The following UGGT2 variants were observed in gnomAD, a reference collection of about 807,000 sequenced individuals.
The protein encoded by UGGT2 is UDP-glucose:glycoprotein glucosyltransferase 2.
Under a neutral mutation model 192.1 loss-of-function variants are expected in UGGT2, and 180 were observed. The observed-to-expected ratio is 0.94, with a 90% CI of 0.83 to 1.06. The LOEUF (loss-of-function observed/expected upper bound fraction) is 1.06, where lower values mean the gene tolerates loss of function less well. UGGT2 is among the 50% of genes least tolerant of loss of function. UGGT2 has a pLI of 0.00. For missense variants in UGGT2, 1,849 were observed against 1,795.7 expected (o/e 1.03, Z -0.54); for synonymous variants, 580 against 591.0 (o/e 0.98, Z 0.27).
At chr13:96,022,072 A>G (rs895047021) in intron 4 of UGGT2, among the ~76,000 whole-genome samples, 2 of 152,114 alleles carry the variant, frequency 1.3e-5, no homozygotes, top group Non-Finnish European at 2.9e-5. Context: ...AAACTGGATA[A>G]TAAAGCAATA....
At chr13:95,840,203 T>C (rs906610773) in intron 36 of UGGT2, among the ~76,000 whole-genome samples, 4 of 152,008 alleles carry the variant, frequency 2.6e-5, no homozygotes, top group African/African-American at 9.7e-5. Flanking sequence ...ATGGGATCTA[T>C]TTAAACTAAA....
intron 27 of UGGT2, among the ~76,000 whole-genome samples, chr13:95,879,914 TA>T (rs2047445302): frequency 1.3e-5 from 2 of 152,202 alleles, no homozygotes; most frequent in Non-Finnish European, 2.9e-5. Flanking sequence ...TATTATACTT[TA>T]AATTCTGGGG....
At position 95,922,127 on chromosome 13, in the gene UGGT2, G is replaced by C. The variant is rs77890700; in HGVS notation, c.2295+3553C>G. 2.4e-4 allele frequency among the ~76,000 whole-genome samples: 36 copies of C among 152,318 alleles called. No homozygotes were observed. In the East Asian group the frequency reaches 6.6e-3, roughly 28 times the overall value. On this transcript the variant is annotated intron_variant, in intron 20 of 38. Transcript: ENST00000376747. ...ATTGAAATCAATCTACACATTGATTGATAGAATGAGATCATGTCCTTCGCA... is the reference window on the plus strand; with the variant it reads ...ATTGAAATCAATCTACACATTGATTCATAGAATGAGATCATGTCCTTCGCA...
chr13:96,008,080 C>T (rs929256331), intron 5 of UGGT2, among the ~76,000 whole-genome samples: 5 of 152,022 alleles, frequency 3.3e-5, no homozygotes, highest in Non-Finnish European at 4.4e-5. Context: ...AACTATGAAA[C>T]GACTAGAGGA....
intron 11 of UGGT2, among the ~76,000 whole-genome samples, chr13:95,971,120 GGC>G (rs1289295543): frequency 6.6e-6 from 1 of 152,108 alleles, no homozygotes; most frequent in Non-Finnish European, 1.5e-5. Context: ...CCATGTATGG[GGC>G]ATGTTATTGG....
intron 20 of UGGT2, among the ~76,000 whole-genome samples, chr13:95,904,777 G>A (rs1157441268): frequency 2.0e-5 from 3 of 151,966 alleles, no homozygotes. Context: ...TGTCTTTATA[G>A]CACCATGATT....
At chr13:95,977,380 A>C (rs1226693811) in intron 10 of UGGT2, among the ~76,000 whole-genome samples, 1 of 152,212 alleles carries the variant, frequency 6.6e-6, no homozygotes, top group African/African-American at 2.4e-5. Flanking sequence ...TCCATCAGAA[A>C]GTGGGCGAAG....
At chr13:95,936,531 C>T (rs757709638) in intron 17 of UGGT2, among the ~76,000 whole-genome samples, 54 of 152,358 alleles carry the variant, frequency 3.5e-4, no homozygotes, top group Non-Finnish European at 5.6e-4. Flanking sequence ...GGTACCCCAA[C>T]GGCAGGCACA....
At chr13:95,985,260 T>C in intron 9 of UGGT2, 2 of 1,269,808 alleles carry the variant, frequency 1.6e-6, no homozygotes, top group Non-Finnish European at 2.1e-6. Context: ...TCATGTTTTA[T>C]TATATAAATG....
At chr13:95,889,981 G>C (rs1313788005) in intron 25 of UGGT2, among the ~76,000 whole-genome samples, 2 of 152,166 alleles carry the variant, frequency 1.3e-5, no homozygotes, top group African/African-American at 4.8e-5. Flanking sequence ...AATGACACAG[G>C]CAGTGCCTGA....
chr13:95,806,503 T>G (rs770505837), intron 38 of UGGT2, among the ~76,000 whole-genome samples: 8 of 152,166 alleles, frequency 5.3e-5, no homozygotes, highest in Non-Finnish European at 8.8e-5. Context: ...TCTACATATC[T>G]GATGCAATCC....
At chr13:95,880,990 C>T (rs950612055) in intron 27 of UGGT2, among the ~76,000 whole-genome samples, 4 of 152,226 alleles carry the variant, frequency 2.6e-5, no homozygotes, top group East Asian at 1.9e-4. Context: ...CTGGCTAAGA[C>T]GGTGAAACCC....
chr13:95,866,257 A>C (rs1485375018), intron 30 of UGGT2, among the ~76,000 whole-genome samples: 1 of 152,162 alleles, frequency 6.6e-6, no homozygotes, highest in Non-Finnish European at 1.5e-5. Context: ...TGTTCCCAGC[A>C]ATTATTTTTA....
At chr13:95,824,037 T>C (rs188874879) in intron 38 of UGGT2, among the ~76,000 whole-genome samples, 10 of 152,204 alleles carry the variant, frequency 6.6e-5, no homozygotes, top group Non-Finnish European at 7.4e-5. Context: ...AAGGTTTTAG[T>C]TTTACTGGAT....
chr13:95,983,649 A>G, intron 10 of UGGT2, 155 bp downstream of exon 10: 1 of 681,762 alleles, frequency 1.5e-6, no homozygotes, highest in East Asian at 2.8e-5. Context: ...AAATGCTCAT[A>G]TAGTCCACAG....
At chr13:96,033,427 C>T (rs1030498247) in intron 1 of UGGT2, among the ~76,000 whole-genome samples, 37 of 151,998 alleles carry the variant, frequency 2.4e-4, no homozygotes, top group Non-Finnish European at 3.2e-4. Context: ...TGCAGCTGTC[C>T]GGACCCGGAC....
chr13:95,970,140 A>C lies in UGGT2; in HGVS notation c.1307T>G (p.Val436Gly), dbSNP rs376371930. ...TATAGAAGAATGTCGAATATCTAATACATAAGTATATTCCCAAATGTGTGA... is the reference window on the plus strand; with the variant it reads ...TATAGAAGAATGTCGAATATCTAATCCATAAGTATATTCCCAAATGTGTGA... ...LNSHIWEYTY[V>G]LDIRHSSIMW... Residue 436 changes from valine to glycine, a missense_variant, in exon 12 of 39, where the codon GTA becomes GGA. Coordinates refer to ENST00000376747, the MANE Select transcript of UGGT2 (RefSeq NM_020121.4). 1.9e-6 allele frequency: 3 copies of C among 1,608,966 alleles called. No homozygotes were observed. The African/African-American group carries it at 4.0e-5, about 22-fold the overall frequency.
rs748900986 is a variant in UGGT2, at chr13:96,023,744, TAAG to T, written c.254_256del (p.Ser85del). On this transcript the variant is annotated inframe_deletion, in exon 3 of 39. Coordinates refer to ENST00000376747, the MANE Select transcript of UGGT2 (RefSeq NM_020121.4). ...AGCTTTCTTCAGGATTAAGTTGTAATAAGAATAATCTGATTCTATAAAAAGAAG... is the reference window on the plus strand; with the variant it reads ...AGCTTTCTTCAGGATTAAGTTGTAATAATAATCTGATTCTATAAAAAGAAG... The T allele has an allele frequency of 6.2e-7, 1 of 1,601,060 alleles. No individual in the cohort carries two copies. The highest frequency in any genetic ancestry group is 8.5e-7 in the Non-Finnish European group (1 of 1,171,632).
At chr13:95,930,992 C>A (rs899392276) in intron 17 of UGGT2, among the ~76,000 whole-genome samples, 7 of 145,328 alleles carry the variant, frequency 4.8e-5, no homozygotes, top group Non-Finnish European at 1.1e-4. Context: ...TGGAAAGGGA[C>A]CCAAGCGGGT....
Sources: gnomAD v4.1 joint callset for allele counts (sites outside exome capture counted in the v4.1 genomes callset) on GRCh38, gnomAD v4.1.1 for gene constraint, MANE v1.5 for transcripts, NCBI Gene and HGNC (gene_info 2026-07-23, HGNC 2026-07-21) for gene names.